CA8: variants seen among roughly 807,000 people sequenced by gnomAD.
The protein encoded by CA8 is carbonic anhydrase-related protein.
In CA8, 22 loss-of-function variants were observed where a neutral mutation model predicts 41.4. The observed-to-expected ratio is 0.53, with a 90% confidence interval of 0.38 to 0.76. The LOEUF (loss-of-function observed/expected upper bound fraction) is 0.76. Ranked by LOEUF, CA8 falls within the 30% of genes least tolerant of loss-of-function variation. CA8 has a pLI of 0.00. For synonymous variants in CA8, 121 were observed against 130.6 expected (o/e 0.93, Z 0.50); for missense variants, 270 against 352.8 (o/e 0.77, Z 1.88).
chr8:60,240,174 G>A (rs1270649323), intron 3 of CA8, among the ~76,000 whole-genome samples: 1 of 152,160 alleles, frequency 6.6e-6, no homozygotes, highest in Non-Finnish European at 1.5e-5. Context: ...AGACAGTGTG[G>A]GCATCAATAC....
intron 3 of CA8, among the ~76,000 whole-genome samples, chr8:60,260,127 T>A (rs1017029605): frequency 6.6e-6 from 1 of 152,160 alleles, no homozygotes; most frequent in Non-Finnish European, 1.5e-5. Flanking sequence ...TAATTGTCTG[T>A]GGAAGGTGAA....
At position 60,281,244 on chromosome 8, in the gene CA8, G is replaced by C. The variant is rs2130645303; in HGVS notation, c.-97C>G. The C allele has an allele frequency of 3.8e-6, 3 of 799,044 alleles. No individual in the cohort carries two copies. The highest frequency in any genetic ancestry group is 3.4e-5 in the African/African-American group (2 of 58,264). 49.5% of individuals were successfully genotyped at this position (799,044 alleles called of 1,614,324 possible). ...CGGAGCGGAGCGCGCGTGGGGGAGT[G>C]TGAGCACGCGTGAGCGGCAGTGTGA... is the stretch of plus-strand genomic sequence containing the variant. On this transcript the variant is annotated 5_prime_UTR_variant, in exon 1 of 9. Transcript: ENST00000317995.
At chr8:60,227,023 G>T in intron 4 of CA8, 88 bp from the exon 5 acceptor site, 1 of 925,300 alleles carries the variant, frequency 1.1e-6, no homozygotes, top group Non-Finnish European at 1.8e-6. Context: ...TGAGTGTGGT[G>T]GCTCATGCCT....
chr8:60,227,003 C>T, intron 4 of CA8, 68 bp from the exon 5 acceptor site: 2 of 1,102,466 alleles, frequency 1.8e-6, no homozygotes, highest in Non-Finnish European at 2.8e-6. Flanking sequence ...TAAAAAAAAA[C>T]TAATAGGGCT....
chr8:60,268,403 T>C (rs1410628762), intron 2 of CA8, among the ~76,000 whole-genome samples: 2 of 152,154 alleles, frequency 1.3e-5, no homozygotes, highest in Non-Finnish European at 2.9e-5. Flanking sequence ...TACTGTCATA[T>C]GGAAATGAAT....
At chr8:60,279,926 T>C in intron 1 of CA8, 46 bp from the exon 2 acceptor site, 6 of 1,506,842 alleles carry the variant, frequency 4.0e-6, no homozygotes, top group Non-Finnish European at 4.5e-6. Context: ...AAAAATAAAT[T>C]ACAGTAAAAT....
intron 7 of CA8, among the ~76,000 whole-genome samples, chr8:60,212,464 T>C (rs1016552705): frequency 1.3e-5 from 2 of 152,238 alleles, no homozygotes. Context: ...TTAATGAACA[T>C]GGGAGTGCAG....
chr8:60,212,984 A>G (rs1806888937), intron 7 of CA8, among the ~76,000 whole-genome samples: 1 of 152,232 alleles, frequency 6.6e-6, no homozygotes, highest in South Asian at 2.1e-4. Flanking sequence ...AAAAGTCAAA[A>G]GCAAATTGTA....
intron 3 of CA8, among the ~76,000 whole-genome samples, chr8:60,261,895 A>G (rs940766729): frequency 6.6e-6 from 1 of 152,096 alleles, no homozygotes; most frequent in Admixed American, 6.6e-5. Flanking sequence ...CATTTTTAGT[A>G]GAGACGGGGT....
At chr8:60,244,976 T>A (rs1286443875) in intron 3 of CA8, among the ~76,000 whole-genome samples, 1 of 152,228 alleles carries the variant, frequency 6.6e-6, no homozygotes, top group Non-Finnish European at 1.5e-5. Context: ...TAATGTCTCA[T>A]GACCTGATTA....
intron 3 of CA8, among the ~76,000 whole-genome samples, chr8:60,238,484 A>G (rs1016482834): frequency 3.3e-5 from 5 of 151,978 alleles, no homozygotes; most frequent in African/African-American, 9.7e-5. Flanking sequence ...CATTTCTACA[A>G]CTGACATCAA....
intron 8 of CA8, among the ~76,000 whole-genome samples, chr8:60,197,302 T>C (rs188766802): frequency 6.6e-6 from 1 of 151,934 alleles, no homozygotes; most frequent in Non-Finnish European, 1.5e-5. Context: ...GATTGAAAAA[T>C]AGCATGCACA....
rs933744319 is a variant in CA8, at chr8:60,271,522, TG to T, written c.293-5474del. 5.9e-5 allele frequency among the ~76,000 whole-genome samples: 9 copies of T among 152,246 alleles called. No individual in the cohort carries two copies. The South Asian group carries it at 1.5e-3, about 25-fold the overall frequency. ...AACACTGTTAAAAAGTTGCCATGTT[TG>T]GGGGGGAAAAGTAGGATTAATAATC... On this transcript the variant is annotated intron_variant, in intron 2 of 8. Coordinates refer to ENST00000317995, the MANE Select transcript of CA8 (RefSeq NM_004056.6).
chr8:60,264,023 A>G (rs1037819707), intron 3 of CA8, among the ~76,000 whole-genome samples: 2 of 152,256 alleles, frequency 1.3e-5, no homozygotes, highest in African/African-American at 2.4e-5. Context: ...ATTATCCTAA[A>G]TACAAATATT....
chr8:60,278,877 C>A lies in CA8; in HGVS notation c.292+812G>T, dbSNP rs145597843. On this transcript the variant is annotated intron_variant, in intron 2 of 8. Coordinates refer to ENST00000317995, the MANE Select transcript of CA8 (RefSeq NM_004056.6). ...ATTTTCGAGCACAGTCTCTATTTATCAAGTACGTCCTAATATTTCAACATA... is the reference window on the plus strand; with the variant it reads ...ATTTTCGAGCACAGTCTCTATTTATAAAGTACGTCCTAATATTTCAACATA... Among the ~76,000 whole-genome samples, 349 of 152,312 alleles carry A rather than the reference C, an allele frequency of 2.3e-3. 3 individuals are homozygous for A. The highest frequency in any genetic ancestry group is 7.6e-3 in the African/African-American group (317 of 41,572).
chr8:60,279,014 A>C (rs890837913), intron 2 of CA8, among the ~76,000 whole-genome samples: 1 of 152,176 alleles, frequency 6.6e-6, no homozygotes, highest in African/African-American at 2.4e-5. Flanking sequence ...AAAGCCAAAA[A>C]CTGATTTCCT....
intron 3 of CA8, among the ~76,000 whole-genome samples, chr8:60,263,359 A>G (rs1803796018): frequency 6.6e-6 from 1 of 151,682 alleles, no homozygotes; most frequent in South Asian, 2.1e-4. Flanking sequence ...TGTGTGTTCC[A>G]TGTAACAGAC....
intron 7 of CA8, among the ~76,000 whole-genome samples, chr8:60,215,050 C>A (rs748839050): frequency 2.6e-5 from 4 of 152,176 alleles, no homozygotes; most frequent in Non-Finnish European, 5.9e-5. Context: ...CAACCCATTT[C>A]TGTATGTGTA....
chr8:60,260,135 G>GA (rs1803682623), intron 3 of CA8, among the ~76,000 whole-genome samples: 1 of 152,132 alleles, frequency 6.6e-6, no homozygotes, highest in African/African-American at 2.4e-5. Context: ...TGTGGAAGGT[G>GA]AAAAAAAGCA....
Sources: allele counts gnomAD v4.1 joint callset (sites outside exome capture counted in the v4.1 genomes callset), GRCh38; gene constraint gnomAD v4.1.1; transcripts MANE v1.5; gene names NCBI Gene and HGNC (gene_info 2026-07-23, HGNC 2026-07-21).